MGST1: variants seen among roughly 807,000 people sequenced by gnomAD.
MGST1 encodes the protein glutathione S-transferase 12.
In MGST1, 5 loss-of-function variants were observed where a neutral mutation model predicts 8.9. That is an observed-to-expected ratio of 0.56 (90% CI 0.29 to 1.19). MGST1 has a LOEUF of 1.19. MGST1 is among the 50% of genes most tolerant of loss of function. The pLI is 0.08. For synonymous variants in MGST1, 54 were observed against 67.8 expected (o/e 0.80, Z 1.00); for missense variants, 182 against 187.4 (o/e 0.97, Z 0.17).
rs1422582714 is a variant in MGST1 at position 16,500,332 on chromosome 12, C to A, written n.483-89196C>A. Among the ~76,000 whole-genome samples the A allele has an allele frequency of 6.6e-6, 1 of 152,118 alleles. No homozygotes were observed. The highest frequency in any genetic ancestry group is 2.4e-5 in the African/African-American group (1 of 41,442). ...TTTGGCTGAGATGCCTGACAGACAA[C>A]AAATAAACTGGAAAAAGAGAGGTTC... On this transcript the variant is annotated intron_variant and non_coding_transcript_variant, in intron 4 of 4. Coordinates refer to the MGST1 transcript ENST00000538857. This position sits in a 1 kb window ranked among gnomAD's most constrained non-coding sequence, Gnocchi z 4.3.
At chr12:16,525,399 T>G (rs866125220) in intron 4 of MGST1, among the ~76,000 whole-genome samples, 1 of 150,972 alleles carries the variant, frequency 6.6e-6, no homozygotes, top group Non-Finnish European at 1.5e-5. Context: ...CGGTGTTTGG[T>G]TTTTTGTTCT....
At chr12:16,356,347 T>A (rs1939712140) in intron 2 of MGST1, among the ~76,000 whole-genome samples, 1 of 152,168 alleles carries the variant, frequency 6.6e-6, no homozygotes, top group Admixed American at 6.5e-5. Flanking sequence ...GTACATCTAG[T>A]GTGTGCCAGG....
chr12:16,439,695 G>C (rs144457559), downstream of MGST1, among the ~76,000 whole-genome samples: 323 of 151,768 alleles, frequency 2.1e-3, 1 homozygote, highest in African/African-American at 7.6e-3. Context: ...GCTGATTTAG[G>C]TATACCCACA....
chr12:16,552,426 C>T (rs975114066), intron 4 of MGST1, among the ~76,000 whole-genome samples: 2 of 151,942 alleles, frequency 1.3e-5, no homozygotes, highest in South Asian at 2.1e-4. Flanking sequence ...TGAAAGCCAC[C>T]CTTTAATGTT....
chr12:16,353,141 C>T (rs917581110), intron 1 of MGST1, among the ~76,000 whole-genome samples: 7 of 152,004 alleles, frequency 4.6e-5, no homozygotes, highest in Admixed American at 2.6e-4. Flanking sequence ...TCATGCTATT[C>T]TCCTGCTTCA....
chr12:16,372,083 A>G (rs762428765), intron 3 of MGST1, among the ~76,000 whole-genome samples: 13 of 152,118 alleles, frequency 8.5e-5, no homozygotes, highest in Non-Finnish European at 1.6e-4. Context: ...TGAAATTATA[A>G]GAAGAAAACA....
intron 4 of MGST1, among the ~76,000 whole-genome samples, chr12:16,561,177 T>C (rs1942391802): frequency 1.3e-5 from 2 of 152,250 alleles, no homozygotes; most frequent in Middle Eastern, 3.4e-3. Context: ...CCACTGGAAT[T>C]GTCTAGGATT....
chr12:16,398,416 T>G (rs1940624786), intron 1 of MGST1, among the ~76,000 whole-genome samples: 1 of 152,208 alleles, frequency 6.6e-6, no homozygotes, highest in African/African-American at 2.4e-5. Context: ...CCTCCCTTCC[T>G]CTTCTCTTTA....
rs146659475 is a variant in MGST1 at position 16,402,503 on chromosome 12, G to A, written n.778+18899G>A. 459 of 1,201,244 alleles carry A rather than the reference G, an allele frequency of 3.8e-4. 3 individuals are homozygous for A. In the East Asian group the frequency reaches 4.9e-3, roughly 13 times the overall value. 74.4% of individuals were successfully genotyped at this position (1,201,244 alleles called of 1,614,324 possible). On this transcript the variant is annotated intron_variant and non_coding_transcript_variant, in intron 1 of 1. Transcript: ENST00000359720. The stretch of plus-strand genomic sequence containing the variant: ...CACCTGCTCTCGGCCCAGGAATCCC[G>A]CACTCTTATTCTTGGTTAGATTTAT...
rs117634177 is a variant in MGST1, at chr12:16,359,021, T to C, written c.221+1322T>C. ...CTATGCATGTTTCCATATTCTGCAA[T>C]TGGTTATGCTGGATGTTAATCCAGC... On this transcript the variant is annotated intron_variant, in intron 3 of 3. Coordinates refer to ENST00000396210, the MANE Select transcript of MGST1 (RefSeq NM_020300.5). Among the ~76,000 whole-genome samples the C allele has an allele frequency of 3.2e-3, 483 of 152,166 alleles. 14 individuals are homozygous for C. The highest frequency in any genetic ancestry group is 0.029 in the Admixed American group (439 of 15,282).
chr12:16,357,388 T>TA, intron 2 of MGST1: 1 of 417,466 alleles, frequency 2.4e-6, no homozygotes, highest in Non-Finnish European at 4.2e-6. Flanking sequence ...ACCTCCTGAG[T>TA]AGCTAGGACC....
intron 1 of MGST1, among the ~76,000 whole-genome samples, chr12:16,385,446 A>G (rs1001502426): frequency 2.4e-4 from 36 of 152,210 alleles, no homozygotes; most frequent in African/African-American, 8.7e-4. Context: ...TGTATATAAT[A>G]TTTGATCTTA....
At chr12:16,360,327 A>G in intron 3 of MGST1, 1 of 985,030 alleles carries the variant, frequency 1.0e-6, no homozygotes, top group African/African-American at 1.7e-5. Context: ...CGATTAGCAT[A>G]TTTGAACGGC....
chr12:16,427,172 A>G (rs550539101), intron 1 of MGST1, among the ~76,000 whole-genome samples: 1 of 152,260 alleles, frequency 6.6e-6, no homozygotes, highest in Admixed American at 6.5e-5. Flanking sequence ...AAGTTACGAA[A>G]AACGATTTTA....
chr12:16,376,714 A>C (rs182184953), exon 4 of MGST1: 6 of 152,294 alleles, frequency 3.9e-5, no homozygotes, highest in Non-Finnish European at 7.3e-5. Flanking sequence ...TAGAATATTT[A>C]ATATTAATGA....
intron 1 of MGST1, among the ~76,000 whole-genome samples, chr12:16,428,549 T>G (rs777368759): frequency 2.0e-5 from 3 of 151,912 alleles, no homozygotes; most frequent in Non-Finnish European, 1.5e-5. Context: ...TTTGGAAGAT[T>G]TCAACAATTT....
chr12:16,400,943 G>T, intron 1 of MGST1: 1 of 1,333,128 alleles, frequency 7.5e-7, no homozygotes, highest in Non-Finnish European at 1.1e-6. Flanking sequence ...CTTTTGTTCA[G>T]TCAGTCACCT....
At chr12:16,457,195 G>T (rs1941181081) in intron 4 of MGST1, among the ~76,000 whole-genome samples, 1 of 151,830 alleles carries the variant, frequency 6.6e-6, no homozygotes, top group African/African-American at 2.4e-5. Flanking sequence ...TCTTACTAAT[G>T]CATACTTATT....
chr12:16,569,767 A>C (rs992823314), intron 4 of MGST1, among the ~76,000 whole-genome samples: 10 of 152,168 alleles, frequency 6.6e-5, no homozygotes, highest in African/African-American at 1.2e-4. Context: ...GATTTTTCAA[A>C]CTTTTAGACA....
Sources: allele counts gnomAD v4.1 joint callset (sites outside exome capture counted in the v4.1 genomes callset), GRCh38; gene constraint gnomAD v4.1.1; non-coding constraint Gnocchi (gnomAD v3.1); transcripts MANE v1.5; gene names NCBI Gene and HGNC (gene_info 2026-07-23, HGNC 2026-07-21).